Variants in GPR108 observed in about 807,000 individuals in gnomAD.
GPR108 encodes the protein G protein-coupled receptor 108, also known as protein GPR108.
GPR108 carries 60 observed loss-of-function variants against 74.3 expected under a neutral mutation model. The ratio of observed to expected loss-of-function variants is 0.81; its 90% CI spans 0.66 to 1.00. The LOEUF is 1.00. Ranked by LOEUF, GPR108 falls within the 50% of genes least tolerant of loss-of-function variation. The pLI, the probability that GPR108 is intolerant of heterozygous loss-of-function variation, is 0.00. For missense variants in GPR108, 667 were observed against 703.3 expected (o/e 0.95, Z 0.58); for synonymous variants, 311 against 292.4 (o/e 1.06, Z -0.65).
At position 6,732,488 on chromosome 19, in the gene GPR108, T is replaced by C. The variant is rs1968455494; in HGVS notation, c.995A>G (p.Tyr332Cys). The change falls in exon 11 of 18, where the codon TAC becomes TGC. Residue 332 changes from tyrosine to cysteine, a missense_variant. Tyr to Cys is a radical substitution (Grantham distance 194). Transcript: ENST00000264080. ...GGGGGACACTCACAGGTGTGCGATG[T>C]AGTACATGACGGCAAGGCCTTCGAT... ...HPIEGLAVMY[Y>C]IAHLLKGALL... The C allele has an allele frequency of 6.2e-7, 1 of 1,613,632 alleles. No homozygotes were observed. The highest frequency in any genetic ancestry group is 8.5e-7 in the Non-Finnish European group (1 of 1,179,912).
chr19:6,734,857 T>C (rs1272973830), intron 4 of GPR108, among the ~76,000 whole-genome samples: 1 of 42,044 alleles, frequency 2.4e-5, no homozygotes, highest in African/African-American at 1.5e-4. Flanking sequence ...ACATTATTAT[T>C]ATTATTATTA....
rs748330392 is a variant in GPR108 at position 6,737,440 on chromosome 19, C to T, written c.120+17G>A. ...AGTTGCGCCACCGACCCCAGACCCT[C>T]GCGCGGCGGGCCTCACCGTCAGCGC... On this transcript the variant is annotated intron_variant, in intron 1 of 17. Coordinates refer to ENST00000264080, the MANE Select transcript of GPR108 (RefSeq NM_001080452.2). The T allele has an allele frequency of 1.3e-6, 2 of 1,586,044 alleles. No individual in the cohort carries two copies. Among genetic ancestry groups the T allele is most frequent in the South Asian group, 2.2e-5 (2 of 89,994 alleles).
chr19:6,730,875 A>G (rs1233496430), intron 17 of GPR108, 112 bp downstream of exon 17: 15 of 1,183,652 alleles, frequency 1.3e-5, no homozygotes, highest in Admixed American at 8.6e-5. Context: ...CTGCCCTAAC[A>G]CTGCCCCCAG....
Position 6,733,223 on chromosome 19 carries a change from A to C in GPR108, c.802T>G (p.Ser268Ala), listed in dbSNP as rs760124426. Residue 268 changes from serine (S) to alanine (A), a missense_variant, in exon 9 of 18, where the codon TCC becomes GCC. Physicochemically the swap from Ser to Ala is moderately conservative, Grantham distance 99. Coordinates refer to ENST00000264080, the MANE Select transcript of GPR108 (RefSeq NM_001080452.2). ...ATGCCAGCGGCCAGGAAGCAGGCGG[A>C]CATGACCATGTAGAGCTTGAAAAGG... ...MPLFKLYMVM[S>A]ACFLAAGIFW... is the part of the protein sequence containing the mutation. The C allele has an allele frequency of 6.2e-7, 1 of 1,614,032 alleles. No individual in the cohort carries two copies. The highest frequency in any genetic ancestry group is 8.5e-7 in the Non-Finnish European group (1 of 1,180,022).
intron 1 of GPR108, 91 bp downstream of exon 1, chr19:6,737,366 G>A: frequency 7.1e-6 from 10 of 1,418,358 alleles, no homozygotes; most frequent in Non-Finnish European, 9.2e-6. Flanking sequence ...CTCGGGGACG[G>A]GGGAGGGCGG....
At chr19:6,732,446 C>G (rs201879800) in intron 11 of GPR108, 30 bp downstream of exon 11, 3 of 1,612,378 alleles carry the variant, frequency 1.9e-6, no homozygotes, top group African/African-American at 2.7e-5. Flanking sequence ...TGCCTCCCCC[C>G]AGCTGCCCAG....
intron 9 of GPR108, 40 bp from the exon 10 acceptor site, chr19:6,733,102 C>T (rs1464120010): frequency 6.2e-7 from 1 of 1,613,462 alleles, no homozygotes; most frequent in Admixed American, 1.7e-5. Flanking sequence ...TGCGGGGCAT[C>T]AGCAGAGCAT....
chr19:6,731,962 G>C (rs371007628), intron 13 of GPR108, 28 bp from the exon 14 acceptor site: 74 of 1,613,202 alleles, frequency 4.6e-5, no homozygotes, highest in Non-Finnish European at 5.7e-5. Flanking sequence ...CACAGGGTAC[G>C]GTCAGCGCGG....
rs1375239192 is a variant in GPR108 at position 6,731,237 on chromosome 19, G to T, written c.1396C>A (p.Gln466Lys). The T allele has an allele frequency of 6.4e-7, 1 of 1,564,538 alleles. No homozygotes were observed. The highest frequency in any genetic ancestry group is 1.4e-5 in the African/African-American group (1 of 73,602). The change falls in exon 16 of 18, where the codon CAG becomes AAG. Residue 466 changes from glutamine to lysine, a missense_variant. Gln to Lys is a moderately conservative substitution (Grantham distance 53). Transcript: ENST00000264080. ...TGCCACTGAAAGGGCACAGCCACCT[G>T]CAGCAGGATGGCGATGATGCGGGTG... ...YFTRIIAILL[Q>K]VAVPFQWQWL...
At position 6,732,277 on chromosome 19, in the gene GPR108, C is replaced by G; in HGVS notation, c.1111G>C (p.Val371Leu). Residue 371 changes from valine (V) to leucine (L), a missense_variant, in exon 12 of 18, where the codon GTG becomes CTG. Transcript: ENST00000264080. ...TCCATCCGCACCTGCATGGGGATCA[C>G]GATCCCAAAGACCTTCTTCTCCTTA... ...SDKEKKVFGI[V>L]IPMQVLANVA... 1 of 1,612,328 alleles carries G rather than the reference C, an allele frequency of 6.2e-7. No homozygotes were observed. The highest frequency in any genetic ancestry group is 8.5e-7 in the Non-Finnish European group (1 of 1,179,866).
In GPR108 at chr19:6,732,348, G is replaced by T; in HGVS notation, c.1040C>A (p.Ala347Asp). ...LKGALLFITI[A>D]LIGSGWAFIK... ...GAAGGCCCAGCCTGAGCCAATCAGGGCGATGGTGATGAAGAGGAGGGCGCC... is the reference window on the plus strand; with the variant it reads ...GAAGGCCCAGCCTGAGCCAATCAGGTCGATGGTGATGAAGAGGAGGGCGCC... Residue 347 changes from alanine to aspartate, a missense_variant, in exon 12 of 18, where the codon GCC (alanine) becomes GAC (aspartate). Ala to Asp is a moderately radical substitution (Grantham distance 126). Transcript: ENST00000264080. 1 of 1,613,540 alleles carries T rather than the reference G, an allele frequency of 6.2e-7. No individual in the cohort carries two copies. Among genetic ancestry groups the T allele is most frequent in the Non-Finnish European group, 8.5e-7 (1 of 1,180,042 alleles).
At chr19:6,730,874 C>T in intron 17 of GPR108, 113 bp downstream of exon 17, 1 of 1,182,584 alleles carries the variant, frequency 8.5e-7, no homozygotes, top group East Asian at 2.7e-5. Flanking sequence ...TCTGCCCTAA[C>T]ACTGCCCCCA....
chr19:6,737,564 C>T lies in GPR108; in HGVS notation c.13G>A (p.Glu5Lys), dbSNP rs997669956. ...CTCCCGCGGCCGAGCCCCCTCCTCT[C>T]GCTCACTGCCATCTCTGGAGCCACC... MAVSERRGLGRGSPA... is the reference protein window; with the variant it reads MAVSKRRGLGRGSPA... The change falls in exon 1 of 18, where the codon GAG becomes AAG. Residue 5 changes from glutamate to lysine, a missense_variant. By Grantham distance (56) the Glu-to-Lys change is moderately conservative (BLOSUM62 1). Transcript: ENST00000264080. The T allele has an allele frequency of 1.3e-6, 2 of 1,514,614 alleles. No individual in the cohort carries two copies. Among genetic ancestry groups the T allele is most frequent in the Non-Finnish European group, 1.8e-6 (2 of 1,137,614 alleles). 93.8% of individuals were successfully genotyped at this position (1,514,614 alleles called of 1,614,324 possible).
intron 15 of GPR108, 36 bp downstream of exon 15, chr19:6,731,437 C>A (rs1282614716): frequency 2.6e-6 from 4 of 1,516,010 alleles, no homozygotes; most frequent in Non-Finnish European, 2.7e-6. Flanking sequence ...GGCCGGTAAT[C>A]CCCCCAAACC....
rs201148371 is a variant in GPR108 at position 6,734,039 on chromosome 19, G to A, written c.515C>T (p.Ala172Val). 828 of 1,614,082 alleles carry A rather than the reference G, an allele frequency of 5.1e-4. No homozygotes were observed. The highest frequency in any genetic ancestry group is 6.6e-4 in the Non-Finnish European group (780 of 1,180,032). Residue 172 changes from alanine to valine, a missense_variant, in exon 6 of 18, where the codon GCC (alanine) becomes GTC (valine). Transcript: ENST00000264080. ...TGCGGGTGTTGACTTGGGCTTGCTG[G>A]CTGCAGAGGTCCCTCCTGTAAGAGA... Reference protein sequence around the residue: ...RKVDGGGTSAASKPKSTPAVI... With the variant: ...RKVDGGGTSAVSKPKSTPAVI...
chr19:6,731,375 TG>T, intron 15 of GPR108, 93 bp from the exon 16 acceptor site: 9 of 1,473,184 alleles, frequency 6.1e-6, no homozygotes, highest in Non-Finnish European at 8.2e-6. Flanking sequence ...GGAGCCTGGA[TG>T]GGGGCCTCGG....
Position 6,733,303 on chromosome 19 carries a change from T to A in GPR108, c.724-2A>T. On this transcript the variant is annotated splice_acceptor_variant, in intron 8 of 17. Transcript: ENST00000264080. LOFTEE classifies it high-confidence loss of function. Reference sequence around the variant, plus strand: ...GGGGTTCTTCTCCCGGATCATCACCTGCGGAGGGGGCAGTGGTGGGCGGCG... The same window carrying A: ...GGGGTTCTTCTCCCGGATCATCACCAGCGGAGGGGGCAGTGGTGGGCGGCG... 1 of 1,612,618 alleles carries A rather than the reference T, an allele frequency of 6.2e-7. No homozygotes were observed. Among genetic ancestry groups the A allele is most frequent in the Non-Finnish European group, 8.5e-7 (1 of 1,179,308 alleles).
At position 6,736,670 on chromosome 19, in the gene GPR108, G is replaced by A; in HGVS notation, c.162C>T (p.Phe54=). The A allele has an allele frequency of 6.2e-7, 1 of 1,614,124 alleles. No homozygotes were observed. The change falls in exon 2 of 18, where the codon TTC becomes TTT. Residue 54 remains phenylalanine (F), a synonymous_variant. Transcript: ENST00000264080. ...CCACCTCCAGAGAGCCATTGGTGTAGAAACCGAAGCTGTTCAGCTGGATGT... is the reference window on the plus strand; with the variant it reads ...CCACCTCCAGAGAGCCATTGGTGTAAAAACCGAAGCTGTTCAGCTGGATGT... ...RADIQLNSFG[F]YTNGSLEVEL...
rs1968644014 is a variant in GPR108, at chr19:6,736,614, TC to T, written c.217del (p.Glu73ArgfsTer109). 1 of 1,613,802 alleles carries T rather than the reference TC, an allele frequency of 6.2e-7. No homozygotes were observed. Among genetic ancestry groups the T allele is most frequent in the African/African-American group, 1.3e-5 (1 of 74,870 alleles). Reference sequence around the variant, plus strand: ...CACCAGCAGGGACTTCTCTTCTGCCTCCCGGAGGCCCAGCCGCAGGACGCTC... The same window carrying T: ...CACCAGCAGGGACTTCTCTTCTGCCTCCGGAGGCCCAGCCGCAGGACGCTC... ...ELSVLRLGLR[E>X]AEEKSLLVGF... On this transcript the variant is annotated frameshift_variant, in exon 2 of 18. Coordinates refer to ENST00000264080, the MANE Select transcript of GPR108 (RefSeq NM_001080452.2). LOFTEE classifies it high-confidence loss of function.
Sources: gnomAD v4.1 joint callset for allele counts (sites outside exome capture counted in the v4.1 genomes callset) on GRCh38, gnomAD v4.1.1 for gene constraint, MANE v1.5 for transcripts, NCBI Gene and HGNC (gene_info 2026-07-23, HGNC 2026-07-21) for gene names.